The following TRHDE variants were observed in gnomAD, a reference collection of about 807,000 sequenced individuals.
The protein encoded by TRHDE is thyrotropin releasing hormone degrading enzyme.
Under a neutral mutation model 125.7 loss-of-function variants are expected in TRHDE, and 72 were observed. The observed-to-expected ratio is 0.57, with a 90% CI of 0.47 to 0.70. The LOEUF is 0.70. Among genes scored for constraint, TRHDE ranks in the 30% least tolerant of loss-of-function variants. The pLI is 0.00. For synonymous variants in TRHDE, 509 were observed against 509.1 expected (o/e 1.00, Z 0.00); for missense variants, 1,110 against 1,327.1 (o/e 0.84, Z 2.54).
intron 2 of TRHDE, among the ~76,000 whole-genome samples, chr12:72,349,252 A>G (rs1870471736): frequency 6.6e-6 from 1 of 152,110 alleles, no homozygotes; most frequent in East Asian, 1.9e-4. Context: ...TCATACAAAT[A>G]TTCTGAATCA....
intron 2 of TRHDE, among the ~76,000 whole-genome samples, chr12:72,124,495 G>C (rs1026837264): frequency 8.5e-5 from 13 of 152,144 alleles, no homozygotes; most frequent in African/African-American, 3.1e-4. Flanking sequence ...TTGTGGGATA[G>C]AAGTAGTTGC....
At chr12:72,372,079 C>A (rs1871623705) in intron 2 of TRHDE, among the ~76,000 whole-genome samples, 1 of 152,144 alleles carries the variant, frequency 6.6e-6, no homozygotes, top group Non-Finnish European at 1.5e-5. Context: ...TTAATGATTG[C>A]CATTCTAACT....
chr12:72,247,000 G>A (rs1310014978), intron 2 of TRHDE, among the ~76,000 whole-genome samples: 1 of 152,158 alleles, frequency 6.6e-6, no homozygotes, highest in Non-Finnish European at 1.5e-5. Flanking sequence ...TATATTGCAT[G>A]CTAAAGCTCA....
intron 2 of TRHDE, among the ~76,000 whole-genome samples, chr12:72,159,485 T>C (rs1241372531): frequency 6.6e-6 from 1 of 152,246 alleles, no homozygotes; most frequent in Non-Finnish European, 1.5e-5. Context: ...GTAGATGACA[T>C]GATTCTTCTT....
At chr12:72,494,815 T>A (rs1161273411) in intron 5 of TRHDE, among the ~76,000 whole-genome samples, 2 of 152,034 alleles carry the variant, frequency 1.3e-5, no homozygotes, top group African/African-American at 4.8e-5. Context: ...ATAAATAACA[T>A]TTAAGAGAGT....
intron 2 of TRHDE, among the ~76,000 whole-genome samples, chr12:72,244,429 A>G (rs1398267610): frequency 6.6e-6 from 1 of 152,148 alleles, no homozygotes; most frequent in Non-Finnish European, 1.5e-5. Context: ...TGGCCCCTCA[A>G]TGTAGATAAA....
chr12:72,369,157 G>A (rs1387312978), intron 2 of TRHDE, among the ~76,000 whole-genome samples: 1 of 152,138 alleles, frequency 6.6e-6, no homozygotes, highest in Non-Finnish European at 1.5e-5. Context: ...GCGAGTCCAT[G>A]AAATTACAGA....
intron 6 of TRHDE, among the ~76,000 whole-genome samples, chr12:72,522,691 C>A (rs1012344837): frequency 5.9e-5 from 9 of 152,144 alleles, no homozygotes; most frequent in Admixed American, 5.2e-4. Context: ...CTGAAAAATA[C>A]TGGAGAATAA....
chr12:72,508,468 C>G (rs886547632), intron 6 of TRHDE, among the ~76,000 whole-genome samples: 6 of 152,306 alleles, frequency 3.9e-5, no homozygotes, highest in Admixed American at 3.3e-4. Flanking sequence ...CACTGCCCTG[C>G]TGGGTTTCAG....
At chr12:72,513,697 A>G (rs1317057482) in intron 6 of TRHDE, among the ~76,000 whole-genome samples, 1 of 152,100 alleles carries the variant, frequency 6.6e-6, no homozygotes, top group Non-Finnish European at 1.5e-5. Flanking sequence ...GAAGACACAG[A>G]GATTTTTTTT....
intron 3 of TRHDE, among the ~76,000 whole-genome samples, chr12:72,410,885 A>AG: frequency 6.6e-6 from 1 of 151,760 alleles, no homozygotes; most frequent in South Asian, 2.1e-4. Flanking sequence ...AAAAAAAAAA[A>AG]GATTTGAGAT....
At chr12:72,123,003 A>G (rs1273134787) in intron 2 of TRHDE, among the ~76,000 whole-genome samples, 1 of 152,204 alleles carries the variant, frequency 6.6e-6, no homozygotes, top group African/African-American at 2.4e-5. Context: ...AAAAATATTT[A>G]GTCCTAATCC....
At chr12:72,479,595 A>T (rs1029300787) in intron 5 of TRHDE, among the ~76,000 whole-genome samples, 6 of 151,932 alleles carry the variant, frequency 3.9e-5, no homozygotes, top group African/African-American at 1.4e-4. Context: ...TAAAATTTAA[A>T]ATAAAGCTGA....
chr12:72,343,644 G>T (rs1320614733), intron 2 of TRHDE, among the ~76,000 whole-genome samples: 1 of 151,966 alleles, frequency 6.6e-6, no homozygotes, highest in East Asian at 1.9e-4. Context: ...AGTGTTATTT[G>T]TTTTAAATCA....
At chr12:72,398,417 A>G (rs1025239791) in intron 3 of TRHDE, among the ~76,000 whole-genome samples, 2 of 152,056 alleles carry the variant, frequency 1.3e-5, no homozygotes, top group African/African-American at 4.8e-5. Flanking sequence ...ACTTTTTGTC[A>G]TTTTTTATAG....
chr12:72,253,746 AAAT>A (rs1878741789), intron 2 of TRHDE: 1 of 152,204 alleles, frequency 6.6e-6, no homozygotes, highest in Admixed American at 6.5e-5. Context: ...TTTTAATTAC[AAAT>A]GAATATTGGA....
chr12:72,373,288 G>C (rs1023448260), intron 2 of TRHDE, among the ~76,000 whole-genome samples: 1 of 152,090 alleles, frequency 6.6e-6, no homozygotes, highest in Non-Finnish European at 1.5e-5. Context: ...AGGAGATTTC[G>C]GGCTGAGACA....
At chr12:72,598,630 G>C (rs1872079677) in intron 12 of TRHDE, among the ~76,000 whole-genome samples, 1 of 152,128 alleles carries the variant, frequency 6.6e-6, no homozygotes, top group African/African-American at 2.4e-5. Context: ...AGCCACAAGG[G>C]TCATTGTGAA....
At chr12:72,142,088 A>G (rs1484906339) in intron 2 of TRHDE, among the ~76,000 whole-genome samples, 1 of 152,046 alleles carries the variant, frequency 6.6e-6, no homozygotes, top group Non-Finnish European at 1.5e-5. Flanking sequence ...AAAAAAAAAA[A>G]GAAATCTTCA....
Sources: allele counts gnomAD v4.1 joint callset (sites outside exome capture counted in the v4.1 genomes callset), GRCh38; gene constraint gnomAD v4.1.1; transcripts MANE v1.5; gene names NCBI Gene and HGNC (gene_info 2026-07-23, HGNC 2026-07-21).